The following KLHL22 variants were observed in gnomAD, a reference collection of about 807,000 sequenced individuals.
KLHL22 encodes the protein kelch like family member 22.
A neutral mutation model predicts 60.7 loss-of-function variants in KLHL22; 18 were observed. The observed-to-expected ratio is 0.30, with a 90% CI of 0.20 to 0.44. KLHL22 has a LOEUF of 0.44. KLHL22 is among the 20% of genes least tolerant of loss of function. KLHL22 has a pLI of 1.00. For missense variants in KLHL22, 596 were observed against 852.3 expected (o/e 0.70, Z 3.74); for synonymous variants, 355 against 354.5 (o/e 1.00, Z -0.01).
intron 2 of KLHL22, among the ~76,000 whole-genome samples, chr22:20,484,397 C>T (rs1400352606): frequency 6.6e-6 from 1 of 152,130 alleles, no homozygotes; most frequent in Non-Finnish European, 1.5e-5. Flanking sequence ...CAGGCTCAAG[C>T]GATTCTTGAG....
intron 1 of KLHL22, chr22:20,489,633 G>T: frequency 2.1e-6 from 1 of 465,388 alleles, no homozygotes. Flanking sequence ...CCCCATTGGG[G>T]TATTCTAAAA....
At chr22:20,489,731 C>G (rs1245865593) in intron 1 of KLHL22, 1 of 471,240 alleles carries the variant, frequency 2.1e-6, no homozygotes, top group African/African-American at 2.0e-5. Flanking sequence ...AAATTGGGTT[C>G]TTCCTCATAG....
chr22:20,475,654 C>T (rs376613196), intron 2 of KLHL22, among the ~76,000 whole-genome samples: 3 of 152,120 alleles, frequency 2.0e-5, no homozygotes, highest in East Asian at 1.9e-4. Flanking sequence ...CTCCACTTCC[C>T]GGGTTCAGGA....
intron 1 of KLHL22, 91 bp from the exon 2 acceptor site, chr22:20,489,335 C>T: frequency 1.1e-6 from 1 of 875,644 alleles, no homozygotes; most frequent in Non-Finnish European, 1.8e-6. Flanking sequence ...TCCCCTTGCT[C>T]CTGTGCCTCC....
At chr22:20,458,445 A>AT (rs938534970) in intron 4 of KLHL22, among the ~76,000 whole-genome samples, 3,691 of 90,422 alleles carry the variant, frequency 0.041, 255 homozygotes, top group African/African-American at 0.12. Flanking sequence ...AACGCCCGCT[A>AT]TTTTTTTTTT....
In KLHL22 at chr22:20,471,468, A is replaced by G; in HGVS notation, c.275T>C (p.Leu92Pro). The G allele has an allele frequency of 6.2e-7, 1 of 1,614,220 alleles. No homozygotes were observed. Among genetic ancestry groups the G allele is most frequent in the Non-Finnish European group, 8.5e-7 (1 of 1,180,014 alleles). The change falls in exon 3 of 7, where the codon CTG (leucine) becomes CCG (proline). Residue 92 changes from leucine to proline, a missense_variant. Coordinates refer to ENST00000328879, the MANE Select transcript of KLHL22 (RefSeq NM_032775.4). ...GLKEMEQEEV[L>P]IHGVSYNAMC... ...AGCATTGTAGGACACACCGTGGATC[A>G]GGACCTCTTCCTGTTCCATCTCCTT...
intron 1 of KLHL22, chr22:20,493,355 G>A: frequency 7.2e-6 from 3 of 418,004 alleles, no homozygotes; most frequent in South Asian, 3.6e-5. Flanking sequence ...TGCTGGGAAG[G>A]AGCACAGCAC....
At chr22:20,474,337 T>C (rs927498188) in intron 2 of KLHL22, among the ~76,000 whole-genome samples, 8 of 151,844 alleles carry the variant, frequency 5.3e-5, no homozygotes, top group Admixed American at 4.6e-4. Context: ...GACTGATCCA[T>C]GCCCATGTAC....
chr22:20,444,765 T>C (rs1431043182), intron 6 of KLHL22, among the ~76,000 whole-genome samples: 3 of 152,122 alleles, frequency 2.0e-5, no homozygotes, highest in Admixed American at 6.6e-5. Flanking sequence ...CAGAATGGGA[T>C]ATGGGATGCT....
chr22:20,466,179 G>A (rs762299207), intron 3 of KLHL22, among the ~76,000 whole-genome samples: 1 of 151,974 alleles, frequency 6.6e-6, no homozygotes, highest in Non-Finnish European at 1.5e-5. Context: ...TTTGAGACCA[G>A]CCTGACCAAC....
intron 2 of KLHL22, among the ~76,000 whole-genome samples, chr22:20,485,296 G>C (rs1372715150): frequency 6.6e-6 from 1 of 152,206 alleles, no homozygotes; most frequent in African/African-American, 2.4e-5. Flanking sequence ...TACAAGGTGG[G>C]TGTAGGGTCA....
At chr22:20,446,357 C>G (rs890103919) in intron 6 of KLHL22, 86 bp downstream of exon 6, 1 of 823,684 alleles carries the variant, frequency 1.2e-6, no homozygotes, top group African/African-American at 1.7e-5. Context: ...TTTTAAAAGG[C>G]ACATGATTCA....
intron 5 of KLHL22, among the ~76,000 whole-genome samples, chr22:20,447,941 T>C (rs1281572297): frequency 6.6e-6 from 1 of 152,146 alleles, no homozygotes; most frequent in Non-Finnish European, 1.5e-5. Flanking sequence ...CTTTCCCCCA[T>C]GGTAGGAGCC....
At position 20,465,811 on chromosome 22, in the gene KLHL22, T is replaced by C. The variant is rs1280699290; in HGVS notation, c.394-235A>G. ...ACAGGATATACAGCATGTTTTTTTT[T>C]GGTTTTGTTTTGCTTTTCTTTGAGA... On this transcript the variant is annotated intron_variant, in intron 3 of 6. Coordinates refer to ENST00000328879, the MANE Select transcript of KLHL22 (RefSeq NM_032775.4). This position sits in a 1 kb window ranked among gnomAD's most constrained non-coding sequence, Gnocchi z 4.9. Among the ~76,000 whole-genome samples, 2 of 152,064 alleles carry C rather than the reference T, an allele frequency of 1.3e-5. No homozygotes were observed. The highest frequency in any genetic ancestry group is 2.9e-5 in the Non-Finnish European group (2 of 68,010).
Position 20,446,609 on chromosome 22 carries a change from T to C in KLHL22, c.1373A>G (p.Asp458Gly). The change falls in exon 6 of 7, where the codon GAT becomes GGT. Residue 458 changes from aspartate to glycine, a missense_variant. Physicochemically the swap from Asp to Gly is moderately conservative, Grantham distance 94. Coordinates refer to ENST00000328879, the MANE Select transcript of KLHL22 (RefSeq NM_032775.4). ...MYITCGRRGE[D>G]YLKETHCYDP... ...GTAGCAGTGTGTCTCTTTCAGGTAA[T>C]CCTCCCCTCTGCGGCCGCAGGTGAT... 3 of 1,613,770 alleles carry C rather than the reference T, an allele frequency of 1.9e-6. No individual in the cohort carries two copies. In the African/African-American group the frequency reaches 4.0e-5, roughly 22 times the overall value.
In KLHL22 at chr22:20,469,369, G is replaced by T. The variant is rs564170083; in HGVS notation, c.393+1981C>A. 9.9e-5 allele frequency among the ~76,000 whole-genome samples: 15 copies of T among 152,228 alleles called. No homozygotes were observed. In the East Asian group the frequency reaches 2.7e-3, roughly 28 times the overall value. ...GGTCACAGGACACACAGAGCAGGGG[G>T]ACTGACAGGGGAGCTCCGGGAGAGT... On this transcript the variant is annotated intron_variant, in intron 3 of 6. Transcript: ENST00000328879.
At chr22:20,477,383 A>G (rs997228329) in intron 2 of KLHL22, among the ~76,000 whole-genome samples, 2 of 152,030 alleles carry the variant, frequency 1.3e-5, no homozygotes, top group Non-Finnish European at 2.9e-5. Flanking sequence ...CTGTGCCTCA[A>G]AAGAAAAAGA....
intron 1 of KLHL22, among the ~76,000 whole-genome samples, chr22:20,494,708 A>G (rs1175630679): frequency 6.6e-6 from 1 of 152,134 alleles, no homozygotes; most frequent in Non-Finnish European, 1.5e-5. Context: ...TAGTCATCAC[A>G]AGCCAAGTTC....
chr22:20,456,396 A>G (rs1361445190), intron 5 of KLHL22: 7 of 152,250 alleles, frequency 4.6e-5, no homozygotes, highest in Admixed American at 4.6e-4. Context: ...GAACACCGGC[A>G]GCCACGATGC....
Sources: allele counts gnomAD v4.1 joint callset (sites outside exome capture counted in the v4.1 genomes callset), GRCh38; gene constraint gnomAD v4.1.1; non-coding constraint Gnocchi (gnomAD v3.1); transcripts MANE v1.5; gene names NCBI Gene and HGNC (gene_info 2026-07-23, HGNC 2026-07-21).